NALCN: variants seen among roughly 807,000 people sequenced by gnomAD.
The protein encoded by NALCN is sodium leak channel, non-selective, also known as sodium leak channel NALCN.
A neutral mutation model predicts 225.3 loss-of-function variants in NALCN; 111 were observed. That is an observed-to-expected ratio of 0.49 (90% CI 0.42 to 0.58). The LOEUF (loss-of-function observed/expected upper bound fraction) is 0.58. NALCN is among the 20% of genes least tolerant of loss of function. The pLI, the probability that NALCN is intolerant of heterozygous loss-of-function variation, is 0.00. For synonymous variants in NALCN, 764 were observed against 769.0 expected, an observed-to-expected ratio of 0.99 and a Z score of 0.11; for missense variants, 1,378 against 2,202.4, an observed-to-expected ratio of 0.63 and a Z score of 7.49.
intron 15 of NALCN, among the ~76,000 whole-genome samples, chr13:101,170,817 T>C (rs1274477551): frequency 1.3e-5 from 2 of 152,192 alleles, no homozygotes; most frequent in East Asian, 3.9e-4. Flanking sequence ...CTACCTATAC[T>C]TCCCTTTTCG....
intron 10 of NALCN, among the ~76,000 whole-genome samples, chr13:101,262,184 C>G (rs1468155198): frequency 6.6e-6 from 1 of 152,078 alleles, no homozygotes; most frequent in Non-Finnish European, 1.5e-5. Flanking sequence ...TCCTTGTATC[C>G]CAGGGATAAA....
intron 10 of NALCN, among the ~76,000 whole-genome samples, chr13:101,267,565 G>A (rs1359768985): frequency 6.6e-6 from 1 of 152,192 alleles, no homozygotes; most frequent in Non-Finnish European, 1.5e-5. Context: ...GAAAATACTT[G>A]TGTATTAGAA....
At chr13:101,373,673 G>A (rs573919393) in intron 6 of NALCN, among the ~76,000 whole-genome samples, 14 of 152,268 alleles carry the variant, frequency 9.2e-5, no homozygotes, top group African/African-American at 3.4e-4. Flanking sequence ...AATACTGAGA[G>A]CTTCTCCTAA....
At chr13:101,301,752 A>AC (rs71203411) in intron 7 of NALCN, among the ~76,000 whole-genome samples, 2 of 151,136 alleles carry the variant, frequency 1.3e-5, no homozygotes, top group Non-Finnish European at 3.0e-5. Flanking sequence ...AAAAAAAAAA[A>AC]CAAAACCCTA....
At chr13:101,093,578 A>C (rs2034346823) in intron 28 of NALCN, among the ~76,000 whole-genome samples, 1 of 152,140 alleles carries the variant, frequency 6.6e-6, no homozygotes, top group African/African-American at 2.4e-5. Context: ...TGCCTTTGAA[A>C]CCCCTAATAA....
chr13:101,344,741 T>C (rs1051191919), intron 7 of NALCN, among the ~76,000 whole-genome samples: 1 of 152,218 alleles, frequency 6.6e-6, no homozygotes, highest in Non-Finnish European at 1.5e-5. Context: ...GAGCACATAG[T>C]TCTCATGCAC....
chr13:101,067,874 A>G, intron 39 of NALCN, 44 bp downstream of exon 39: 1 of 1,289,528 alleles, frequency 7.8e-7, no homozygotes, highest in Non-Finnish European at 1.1e-6. Flanking sequence ...CATGTTGATA[A>G]GTCTCTTTGA....
At chr13:101,268,043 T>C (rs998955062) in intron 10 of NALCN, among the ~76,000 whole-genome samples, 2 of 152,132 alleles carry the variant, frequency 1.3e-5, no homozygotes, top group Non-Finnish European at 2.9e-5. Flanking sequence ...AGGGTGTGCC[T>C]TCTCGAAAGT....
At chr13:101,212,200 C>A (rs779287960) in intron 13 of NALCN, among the ~76,000 whole-genome samples, 1 of 152,060 alleles carries the variant, frequency 6.6e-6, no homozygotes, top group Non-Finnish European at 1.5e-5. Context: ...CAAATCTCTA[C>A]CTGTTGAAAT....
rs2042551685 is a variant in NALCN at position 101,264,996 on chromosome 13, C to T, written c.1135-6422G>A. Among the ~76,000 whole-genome samples, 4 of 152,198 alleles carry T rather than the reference C, an allele frequency of 2.6e-5. No homozygotes were observed. The South Asian group carries it at 8.3e-4, about 32-fold the overall frequency. Reference sequence around the variant, plus strand: ...GAAAAAAGCAAGGAAGCCATTTCTTCTCCAGAGTCTCCCAAAGCAATGCAG... The same window carrying T: ...GAAAAAAGCAAGGAAGCCATTTCTTTTCCAGAGTCTCCCAAAGCAATGCAG... On this transcript the variant is annotated intron_variant, in intron 10 of 43. Coordinates refer to ENST00000251127, the MANE Select transcript of NALCN (RefSeq NM_052867.4).
intron 6 of NALCN, among the ~76,000 whole-genome samples, chr13:101,353,803 A>AT (rs138635491): frequency 0.037 from 5,641 of 152,246 alleles, 345 homozygotes; most frequent in African/African-American, 0.13. Context: ...AAAATTAAGT[A>AT]TTTTTTCAAA....
intron 1 of NALCN, among the ~76,000 whole-genome samples, chr13:101,406,164 A>T (rs2047616798): frequency 6.6e-6 from 1 of 150,582 alleles, no homozygotes. Context: ...AAAAAAAAAA[A>T]AAATACAAAA....
chr13:101,271,737 T>A (rs2042784448), intron 10 of NALCN, among the ~76,000 whole-genome samples: 1 of 151,820 alleles, frequency 6.6e-6, no homozygotes, highest in Non-Finnish European at 1.5e-5. Flanking sequence ...TGTCACTGTG[T>A]CACTGAGTAT....
chr13:101,326,987 G>A (rs554688765), intron 7 of NALCN, among the ~76,000 whole-genome samples: 2 of 152,264 alleles, frequency 1.3e-5, no homozygotes, highest in South Asian at 4.1e-4. Flanking sequence ...GCAGGGCCTC[G>A]TGGGACCTTA....
At chr13:101,103,375 A>G in intron 25 of NALCN, 36 bp from the exon 26 acceptor site, 1 of 1,575,434 alleles carries the variant, frequency 6.3e-7, no homozygotes, top group African/African-American at 1.4e-5. Context: ...AATTTATACA[A>G]TTCATCCCCT....
chr13:101,327,932 G>A (rs1228622179), intron 7 of NALCN, among the ~76,000 whole-genome samples: 2 of 152,082 alleles, frequency 1.3e-5, no homozygotes, highest in Non-Finnish European at 2.9e-5. Context: ...TGGGCCTCAG[G>A]GTTTCTGTTG....
At chr13:101,164,643 T>G (rs1467284977) in intron 15 of NALCN, among the ~76,000 whole-genome samples, 1 of 152,224 alleles carries the variant, frequency 6.6e-6, no homozygotes, top group Non-Finnish European at 1.5e-5. Context: ...CTGTTGTGAC[T>G]TCTTGGCTTA....
chr13:101,165,551 C>T (rs1336755033), intron 15 of NALCN, among the ~76,000 whole-genome samples: 2 of 152,226 alleles, frequency 1.3e-5, no homozygotes, highest in African/African-American at 4.8e-5. Flanking sequence ...CTCACTGAAG[C>T]CTTGATCTCT....
At chr13:101,282,693 T>C (rs1278226987) in intron 10 of NALCN, among the ~76,000 whole-genome samples, 5 of 152,156 alleles carry the variant, frequency 3.3e-5, no homozygotes, top group African/African-American at 1.2e-4. Context: ...ATATATGCGG[T>C]GATGGGTGTG....
Sources: gnomAD v4.1 joint callset for allele counts (sites outside exome capture counted in the v4.1 genomes callset) on GRCh38, gnomAD v4.1.1 for gene constraint, MANE v1.5 for transcripts, NCBI Gene and HGNC (gene_info 2026-07-23, HGNC 2026-07-21) for gene names.